Variants in DNAAF11 observed in about 807,000 individuals in gnomAD.
DNAAF11 encodes the protein dynein axonemal assembly factor 11.
A neutral mutation model predicts 60.8 loss-of-function variants in DNAAF11; 45 were observed. The ratio of observed to expected loss-of-function variants is 0.74; its 90% CI spans 0.58 to 0.95. The LOEUF (loss-of-function observed/expected upper bound fraction) is 0.95, where lower values mean the gene tolerates loss of function less well. Among genes scored for constraint, DNAAF11 ranks in the 40% least tolerant of loss-of-function variants. The pLI, the probability that DNAAF11 is intolerant of heterozygous loss-of-function variation, is 0.00. For synonymous variants in DNAAF11, 191 were observed against 183.5 expected, an observed-to-expected ratio of 1.04 and a Z score of -0.33; for missense variants, 546 against 546.2, an observed-to-expected ratio of 1.00 and a Z score of 0.00.
At chr8:132,574,164 C>T (rs1047338985) in intron 11 of DNAAF11, among the ~76,000 whole-genome samples, 4 of 152,200 alleles carry the variant, frequency 2.6e-5, no homozygotes, top group African/African-American at 9.7e-5. Flanking sequence ...GTGGCATCAG[C>T]TATGATGCTG....
the DNAAF11 span, among the ~76,000 whole-genome samples, chr8:132,698,932 GTA>G: frequency 1.4e-5 from 1 of 71,766 alleles, no homozygotes; most frequent in Admixed American, 1.1e-4. Context: ...ATATATATAT[GTA>G]TACATATATA....
At chr8:132,616,426 C>T (rs1032314809) in intron 7 of DNAAF11, among the ~76,000 whole-genome samples, 2 of 152,058 alleles carry the variant, frequency 1.3e-5, no homozygotes, top group African/African-American at 4.8e-5. Flanking sequence ...GAGTTAGTGT[C>T]CACTAGTGGT....
intron 3 of DNAAF11, among the ~76,000 whole-genome samples, chr8:132,639,092 G>T (rs1277069956): frequency 6.6e-6 from 1 of 152,178 alleles, no homozygotes; most frequent in South Asian, 2.1e-4. Flanking sequence ...CAGTAAACAT[G>T]AGCTATGATT....
At chr8:132,681,003 C>CTTTTTTTTTTTTTTTT in the DNAAF11 span, among the ~76,000 whole-genome samples, 3 of 52,336 alleles carry the variant, frequency 5.7e-5, 1 homozygote, top group African/African-American at 2.7e-4. Flanking sequence ...ATAACTATTC[C>CTTTTTTTTTTTTTTTT]TTTTTTTTTT....
chr8:132,618,825 T>C (rs954449942), intron 7 of DNAAF11, among the ~76,000 whole-genome samples: 3 of 152,130 alleles, frequency 2.0e-5, no homozygotes, highest in South Asian at 2.1e-4. Context: ...TGTGGAGAAA[T>C]AGGAACACTT....
At chr8:132,655,117 A>C (rs1010724658) in intron 3 of DNAAF11, among the ~76,000 whole-genome samples, 2 of 152,034 alleles carry the variant, frequency 1.3e-5, no homozygotes, top group Non-Finnish European at 2.9e-5. Context: ...ATAATAAGGG[A>C]GTAGTAAAAA....
At chr8:132,649,155 G>A (rs1198676914) in intron 3 of DNAAF11, among the ~76,000 whole-genome samples, 1 of 152,096 alleles carries the variant, frequency 6.6e-6, no homozygotes, top group Non-Finnish European at 1.5e-5. Context: ...GCATGGTACT[G>A]GTACCAAAAC....
chr8:132,645,746 G>A (rs900534129), intron 3 of DNAAF11, among the ~76,000 whole-genome samples: 1 of 152,020 alleles, frequency 6.6e-6, no homozygotes, highest in East Asian at 1.9e-4. Flanking sequence ...AGTGACTGAA[G>A]ATCAAATGAA....
chr8:132,624,028 T>G (rs1003433915), intron 6 of DNAAF11, among the ~76,000 whole-genome samples: 1 of 152,158 alleles, frequency 6.6e-6, no homozygotes, highest in African/African-American at 2.4e-5. Flanking sequence ...CTTTATTAGG[T>G]AACAGGGAGT....
chr8:132,580,786 A>G (rs1024776035), intron 11 of DNAAF11, among the ~76,000 whole-genome samples: 1 of 152,332 alleles, frequency 6.6e-6, no homozygotes, highest in South Asian at 2.1e-4. Context: ...TACAATTCCA[A>G]AGAAAATCCC....
At chr8:132,669,280 A>T (rs1470027673) in intron 1 of DNAAF11, among the ~76,000 whole-genome samples, 1 of 152,220 alleles carries the variant, frequency 6.6e-6, no homozygotes, top group Non-Finnish European at 1.5e-5. Flanking sequence ...ATGCTAGCTA[A>T]GATAGGATTT....
intron 6 of DNAAF11, 139 bp from the exon 7 acceptor site, chr8:132,622,827 C>T: frequency 1.6e-6 from 1 of 637,370 alleles, no homozygotes; most frequent in Admixed American, 2.9e-5. Flanking sequence ...ATCAACAATT[C>T]CTTGTTCTTA....
At chr8:132,658,447 T>A (rs913487448) in intron 2 of DNAAF11, among the ~76,000 whole-genome samples, 6 of 152,086 alleles carry the variant, frequency 3.9e-5, no homozygotes, top group Admixed American at 6.6e-5. Flanking sequence ...CTCAGCCTCC[T>A]GAGTAGCTGG....
intron 3 of DNAAF11, among the ~76,000 whole-genome samples, chr8:132,648,260 A>G (rs1039340578): frequency 2.0e-5 from 3 of 152,202 alleles, no homozygotes; most frequent in African/African-American, 4.8e-5. Context: ...GACAAAAACC[A>G]CATGATTATC....
At chr8:132,632,997 T>C in intron 4 of DNAAF11, 34 bp from the exon 5 acceptor site, 3 of 1,482,780 alleles carry the variant, frequency 2.0e-6, no homozygotes, top group Non-Finnish European at 2.8e-6. Flanking sequence ...GTACAATTGT[T>C]CAAAAGTAGC....
chr8:132,578,238 A>G (rs1472760199), intron 11 of DNAAF11, among the ~76,000 whole-genome samples: 1 of 152,112 alleles, frequency 6.6e-6, no homozygotes, highest in Non-Finnish European at 1.5e-5. Context: ...TAGCTAGTAC[A>G]TTGTTATCTG....
intron 1 of DNAAF11, among the ~76,000 whole-genome samples, chr8:132,665,470 A>G (rs1824540635): frequency 6.6e-6 from 1 of 152,108 alleles, no homozygotes; most frequent in African/African-American, 2.4e-5. Flanking sequence ...AAGACACAAA[A>G]GTGCCCAGCA....
chr8:132,616,433 T>C (rs1819163606), intron 7 of DNAAF11, among the ~76,000 whole-genome samples: 1 of 151,962 alleles, frequency 6.6e-6, no homozygotes, highest in Non-Finnish European at 1.5e-5. Context: ...TGTCCACTAG[T>C]GGTGGTGGTG....
chr8:132,675,637 A>G (rs1825728509), upstream of DNAAF11: 5 of 785,164 alleles, frequency 6.4e-6, no homozygotes, highest in East Asian at 1.6e-4. Flanking sequence ...GCGCGGGACC[A>G]AAACAAGCCG....
Sources: allele counts gnomAD v4.1 joint callset (sites outside exome capture counted in the v4.1 genomes callset), GRCh38; gene constraint gnomAD v4.1.1; transcripts MANE v1.5; gene names NCBI Gene and HGNC (gene_info 2026-07-23, HGNC 2026-07-21).